Variants in RPTOR observed in about 807,000 individuals in gnomAD.
RPTOR encodes regulatory-associated protein of mTOR.
RPTOR carries 21 observed loss-of-function variants against 169.9 expected under a neutral mutation model. The ratio of observed to expected loss-of-function variants is 0.12; its 90% CI spans 0.09 to 0.18. The LOEUF is 0.18. Among genes scored for constraint, RPTOR ranks in the 10% least tolerant of loss-of-function variants. The pLI is 1.00. For synonymous variants in RPTOR, 732 were observed against 753.2 expected, an observed-to-expected ratio of 0.97 and a Z score of 0.46; for missense variants, 1,133 against 1,855.9, an observed-to-expected ratio of 0.61 and a Z score of 7.16.
At chr17:80,946,974 A>G (rs368602896) in intron 26 of RPTOR, among the ~76,000 whole-genome samples, 15 of 152,020 alleles carry the variant, frequency 9.9e-5, no homozygotes, top group African/African-American at 3.4e-4. Flanking sequence ...TGCCAGCACT[A>G]TTATTCTCTC....
intron 1 of RPTOR, among the ~76,000 whole-genome samples, chr17:80,598,640 C>T (rs182954698): frequency 1.8e-3 from 273 of 152,306 alleles, no homozygotes; most frequent in African/African-American, 6.2e-3. Context: ...TGCGAGGCTT[C>T]TGGAGGGCCT....
At chr17:80,903,974 G>A (rs2068508635) in intron 20 of RPTOR, among the ~76,000 whole-genome samples, 1 of 152,234 alleles carries the variant, frequency 6.6e-6, no homozygotes, top group Non-Finnish European at 1.5e-5. Context: ...AATGCTACAG[G>A]ATTATGTTTT....
chr17:80,711,943 C>T (rs1026321357), intron 4 of RPTOR, among the ~76,000 whole-genome samples: 4 of 151,928 alleles, frequency 2.6e-5, no homozygotes, highest in Non-Finnish European at 5.9e-5. Flanking sequence ...GGGGTTTCAC[C>T]ATGTTGGCCA....
rs560471096 is a variant in RPTOR at position 80,572,966 on chromosome 17, G to A, written c.162+27175G>A. Among the ~76,000 whole-genome samples the A allele has an allele frequency of 1.5e-3, 224 of 152,078 alleles. 1 individual carries two copies. The highest frequency in any genetic ancestry group is 5.2e-3 in the African/African-American group (215 of 41,470). On this transcript the variant is annotated intron_variant, in intron 1 of 33. Transcript: ENST00000306801. The stretch of plus-strand genomic sequence containing the variant: ...GCTTTTTCTTTCCTGTTTAAGTTTT[G>A]TATAAACTTTGTGTATGGTTTAAGG...
chr17:80,954,421 C>G (rs891051588), intron 28 of RPTOR, among the ~76,000 whole-genome samples: 1 of 151,862 alleles, frequency 6.6e-6, no homozygotes, highest in Non-Finnish European at 1.5e-5. Context: ...TGTGCCCGGG[C>G]TACATTGGCT....
intron 11 of RPTOR, among the ~76,000 whole-genome samples, chr17:80,853,546 G>A (rs566581902): frequency 1.3e-5 from 2 of 152,292 alleles, no homozygotes; most frequent in South Asian, 2.1e-4. Context: ...AGCACCCAGC[G>A]CAGCACCTGC....
chr17:80,605,085 G>T (rs2065219053), intron 1 of RPTOR, among the ~76,000 whole-genome samples: 1 of 152,182 alleles, frequency 6.6e-6, no homozygotes, highest in African/African-American at 2.4e-5. Context: ...GTTGGAGTAA[G>T]GTATGGCCAA....
intron 2 of RPTOR, among the ~76,000 whole-genome samples, chr17:80,635,884 G>T (rs1401063212): frequency 6.6e-6 from 1 of 152,108 alleles, no homozygotes; most frequent in Admixed American, 6.5e-5. Context: ...TTGGGGCTGG[G>T]CTCAGTGATG....
chr17:80,888,654 G>A (rs953536485), intron 17 of RPTOR, among the ~76,000 whole-genome samples: 5 of 152,236 alleles, frequency 3.3e-5, no homozygotes, highest in African/African-American at 1.2e-4. Flanking sequence ...CCTGGCACCA[G>A]TTCACGGTTA....
At chr17:80,675,590 G>A (rs545723857) in intron 3 of RPTOR, among the ~76,000 whole-genome samples, 32 of 152,214 alleles carry the variant, frequency 2.1e-4, no homozygotes, top group Non-Finnish European at 3.5e-4. Flanking sequence ...GGCCTTGGGC[G>A]TTGCCTCCTG....
chr17:80,921,489 T>A (rs1279225837), intron 21 of RPTOR, among the ~76,000 whole-genome samples: 1 of 152,218 alleles, frequency 6.6e-6, no homozygotes, highest in Non-Finnish European at 1.5e-5. Context: ...GTCATGTCGG[T>A]GGCCGGGCAG....
chr17:80,949,262 A>T (rs1023810879), intron 27 of RPTOR, among the ~76,000 whole-genome samples, 181 bp from the exon 28 acceptor site: 3 of 152,052 alleles, frequency 2.0e-5, no homozygotes, highest in Non-Finnish European at 2.9e-5. Flanking sequence ...CCAGATATGG[A>T]TCTGAGGACA....
In RPTOR at chr17:80,545,369, G is replaced by C. The variant is rs12602885; in HGVS notation, c.-261G>C. 6.5e-5 allele frequency: 23 copies of C among 352,288 alleles called. No individual in the cohort carries two copies. The highest frequency in any genetic ancestry group is 1.1e-4 in the Non-Finnish European group (22 of 193,782). 21.8% of individuals were successfully genotyped at this position (352,288 alleles called of 1,614,324 possible). Reference sequence around the variant, plus strand: ...AGCCTCAGGAGCAGCCAGTGGCTTGGGACCTGGGGTGGTGTGTGTCTGCGG... The same window carrying C: ...AGCCTCAGGAGCAGCCAGTGGCTTGCGACCTGGGGTGGTGTGTGTCTGCGG... On this transcript the variant is annotated 5_prime_UTR_variant, in exon 1 of 34. Coordinates refer to ENST00000306801, the MANE Select transcript of RPTOR (RefSeq NM_020761.3).
At chr17:80,595,968 T>C (rs2065141919) in intron 1 of RPTOR, among the ~76,000 whole-genome samples, 1 of 152,224 alleles carries the variant, frequency 6.6e-6, no homozygotes, top group Non-Finnish European at 1.5e-5. Flanking sequence ...TGATAGGCCT[T>C]GACAACTTTT....
At chr17:80,728,805 A>G (rs1159399375) in intron 4 of RPTOR, among the ~76,000 whole-genome samples, 5 of 151,874 alleles carry the variant, frequency 3.3e-5, no homozygotes, top group African/African-American at 1.2e-4. Context: ...CCCAGAAGGT[A>G]TTTTGATTAG....
At chr17:80,880,186 G>C (rs1381114446) in intron 13 of RPTOR, among the ~76,000 whole-genome samples, 2 of 152,162 alleles carry the variant, frequency 1.3e-5, no homozygotes, top group Non-Finnish European at 2.9e-5. Flanking sequence ...GAAAACGTCT[G>C]GGAGCTGCTT....
intron 17 of RPTOR, among the ~76,000 whole-genome samples, chr17:80,886,199 A>G (rs913251000): frequency 6.6e-6 from 1 of 152,176 alleles, no homozygotes; most frequent in African/African-American, 2.4e-5. Flanking sequence ...TTGTCTGGAG[A>G]GCAGCTGCCG....
At chr17:80,915,345 A>C (rs1391828451) in intron 21 of RPTOR, among the ~76,000 whole-genome samples, 13 of 39,490 alleles carry the variant, frequency 3.3e-4, no homozygotes, top group East Asian at 8.3e-4. Context: ...AGAGGAGTTA[A>C]CCACTCCAGG....
At chr17:80,739,009 AT>A (rs2066458766) in intron 5 of RPTOR, among the ~76,000 whole-genome samples, 1 of 152,100 alleles carries the variant, frequency 6.6e-6, no homozygotes, top group African/African-American at 2.4e-5. Flanking sequence ...AATTTCATCT[AT>A]TTTAAAGTAT....
Sources: gnomAD v4.1 joint callset for allele counts (sites outside exome capture counted in the v4.1 genomes callset) on GRCh38, gnomAD v4.1.1 for gene constraint, MANE v1.5 for transcripts, NCBI Gene and HGNC (gene_info 2026-07-23, HGNC 2026-07-21) for gene names.